Variants in FCMR observed in about 807,000 individuals in gnomAD.
FCMR encodes immunoglobulin mu Fc receptor.
In FCMR, 34 loss-of-function variants were observed where a neutral mutation model predicts 41.6. That is an observed-to-expected ratio of 0.82 (90% CI 0.62 to 1.09). FCMR has a LOEUF of 1.09. FCMR is among the 50% of genes least tolerant of loss of function. The probability of loss-of-function intolerance (pLI) is 0.00; values close to 1 mark genes in which losing one functional copy is unlikely to be tolerated. For synonymous variants in FCMR, 209 were observed against 211.8 expected, an observed-to-expected ratio of 0.99 and a Z score of 0.12; for missense variants, 496 against 512.5, an observed-to-expected ratio of 0.97 and a Z score of 0.31.
chr1:206,909,552 G>T lies in FCMR; in HGVS notation c.986-32C>A. 7.6e-7 allele frequency: 1 copy of T among 1,313,798 alleles called. No homozygotes were observed. Among genetic ancestry groups the T allele is most frequent in the Non-Finnish European group, 9.7e-7 (1 of 1,030,886 alleles). The allele number at this position is 1,313,798 out of a possible 1,614,324, so 81.4% of individuals were successfully genotyped here. A position where few individuals can be genotyped will look rare whatever the true frequency, so the allele number is the denominator to read the frequency against. On this transcript the variant is annotated intron_variant, in intron 6 of 7. Coordinates refer to ENST00000367091, the MANE Select transcript of FCMR (RefSeq NM_005449.5). The surrounding 1 kb of genome is among the most constrained non-coding windows in gnomAD (Gnocchi z 5.0). The stretch of plus-strand genomic sequence containing the variant: ...AACAGCGAGGGCGAGGTGAGGCGGC[G>T]GCCGAGGCTCCCGCCCCACCGTCAT...
chr1:206,908,890 A>C (rs1295409163), intron 7 of FCMR, among the ~76,000 whole-genome samples: 3 of 152,188 alleles, frequency 2.0e-5, no homozygotes, highest in African/African-American at 7.2e-5. Flanking sequence ...AGTGGCCCTG[A>C]GTGGAAACGC....
At position 206,904,941 on chromosome 1, in the gene FCMR, G is replaced by T. The variant is rs1678556700; in HGVS notation, c.*78C>A. ...AGGGCTCTGAGAACACATGAAGCAG[G>T]TATTGGACATCAGCAGATAGATGAG... On this transcript the variant is annotated 3_prime_UTR_variant, in exon 8 of 8. Transcript: ENST00000367091. 2.1e-6 allele frequency: 3 copies of T among 1,428,132 alleles called. No individual in the cohort carries two copies. The highest frequency in any genetic ancestry group is 2.0e-6 in the Non-Finnish European group (2 of 1,015,330). 88.5% of individuals were successfully genotyped at this position (1,428,132 alleles called of 1,614,324 possible). A position where few individuals can be genotyped will look rare whatever the true frequency, so the allele number is the denominator to read the frequency against.
At position 206,905,297 on chromosome 1, in the gene FCMR, G is replaced by A. The variant is rs912441090; in HGVS notation, c.1045-150C>T. Reference sequence around the variant, plus strand: ...AGAGATGGCTCAGCTCCATCAAGTGGAGTAGCCCTGGGGATTTTCAGGGTA... The same window carrying A: ...AGAGATGGCTCAGCTCCATCAAGTGAAGTAGCCCTGGGGATTTTCAGGGTA... On this transcript the variant is annotated intron_variant, in intron 7 of 7. Coordinates refer to ENST00000367091, the MANE Select transcript of FCMR (RefSeq NM_005449.5). The A allele has an allele frequency of 4.9e-6, 4 of 822,386 alleles. No individual in the cohort carries two copies. The East Asian group carries it at 8.0e-5, about 16-fold the overall frequency. The allele number at this position is 822,386 out of a possible 1,614,324, so 50.9% of individuals were successfully genotyped here. A position where few individuals can be genotyped will look rare whatever the true frequency, so the allele number is the denominator to read the frequency against.
At chr1:206,921,150 G>A (rs1206023316) in intron 1 of FCMR, among the ~76,000 whole-genome samples, 1 of 152,206 alleles carries the variant, frequency 6.6e-6, no homozygotes, top group Non-Finnish European at 1.5e-5. Flanking sequence ...ATGGATTACG[G>A]AATTTTCATT....
chr1:206,906,659 T>C (rs1678660716), intron 7 of FCMR, among the ~76,000 whole-genome samples: 1 of 152,104 alleles, frequency 6.6e-6, no homozygotes, highest in East Asian at 1.9e-4. Flanking sequence ...ATAGGCACCT[T>C]TTTGTAAATT....
At chr1:206,907,541 CT>C (rs1345568029) in intron 7 of FCMR, 5 of 511,982 alleles carry the variant, frequency 9.8e-6, no homozygotes, top group Non-Finnish European at 1.5e-5. Context: ...TGGGCCCTGT[CT>C]TTTGGAGTCT....
intron 2 of FCMR, 39 bp from the exon 3 acceptor site, chr1:206,913,081 G>A (rs1679015375): frequency 2.0e-6 from 3 of 1,471,128 alleles, no homozygotes; most frequent in Non-Finnish European, 9.5e-7. Flanking sequence ...GGTCTCTAGG[G>A]GGAGACTGAG....
At chr1:206,921,502 G>A (rs1679438625) in intron 1 of FCMR, 2 of 461,294 alleles carry the variant, frequency 4.3e-6, no homozygotes, top group Non-Finnish European at 8.2e-6. Context: ...TAGAGAGTCT[G>A]GGGTGGTAGG....
intron 1 of FCMR, among the ~76,000 whole-genome samples, chr1:206,914,500 T>C (rs1207490475): frequency 6.7e-6 from 1 of 150,356 alleles, no homozygotes; most frequent in Non-Finnish European, 1.5e-5. Flanking sequence ...GGTATGATCA[T>C]GACTCACTAC....
intron 1 of FCMR, among the ~76,000 whole-genome samples, chr1:206,917,096 G>C (rs530669566): frequency 2.0e-5 from 3 of 152,348 alleles, no homozygotes; most frequent in African/African-American, 7.2e-5. Flanking sequence ...GTGGCTTAAA[G>C]AATCACTCTC....
chr1:206,907,953 C>A, intron 7 of FCMR: 2 of 1,409,082 alleles, frequency 1.4e-6, no homozygotes, highest in Non-Finnish European at 2.0e-6. Context: ...TACTGCCCTA[C>A]GACAAGAAAA....
rs892091345 is a variant in FCMR, at chr1:206,911,767, G to A, written c.673C>T (p.Pro225Ser). 6.2e-7 allele frequency: 1 copy of A among 1,610,776 alleles called. No individual in the cohort carries two copies. Among genetic ancestry groups the A allele is most frequent in the East Asian group, 2.2e-5 (1 of 44,816 alleles). ...AGCCTGGTGTGGTGGTTGTAGCTGGGCGTCTGGGGCTTGAGCAGCCCCTCC... is the reference window on the plus strand; with the variant it reads ...AGCCTGGTGTGGTGGTTGTAGCTGGACGTCTGGGGCTTGAGCAGCCCCTCC... ...ALEGLLKPQT[P>S]SYNHHTRLHR... Residue 225 changes from proline to serine, a missense_variant, in exon 4 of 8, where the codon CCC becomes TCC. Transcript: ENST00000367091.
In FCMR at chr1:206,905,114, G is replaced by A; in HGVS notation, c.1078C>T (p.Leu360=). ...CTCACGTATTCACAGCTGGTCTTCA[G>A]AGATGGGGCATGGAGCCAGGGAGAT... ...SESPWLHAPS[L]KTSCEYVSLY... Residue 360 remains leucine (L), a synonymous_variant, in exon 8 of 8, where the codon CTG becomes TTG. Coordinates refer to ENST00000367091, the MANE Select transcript of FCMR (RefSeq NM_005449.5). The A allele has an allele frequency of 1.2e-6, 2 of 1,614,192 alleles. No individual in the cohort carries two copies. Among genetic ancestry groups the A allele is most frequent in the Middle Eastern group, 1.6e-4 (1 of 6,062 alleles).
rs1371386849 is a variant in FCMR at position 206,910,302 on chromosome 1, T to C, written c.749A>G (p.Gln250Arg). The change falls in exon 5 of 8, where the codon CAA becomes CGA. Residue 250 changes from glutamine (Q) to arginine (R), a missense_variant. Coordinates refer to ENST00000367091, the MANE Select transcript of FCMR (RefSeq NM_005449.5). The part of the protein sequence containing the change: ...DYGSQSGREG[Q>R]GFHILIPTIL... ...GGTCGGGATCAGGATGTGAAATCCT[T>C]GGCCTTCCCTCCCAGACTGTGAGCC... is the stretch of plus-strand genomic sequence containing the variant. 3 of 1,573,748 alleles carry C rather than the reference T, an allele frequency of 1.9e-6. No individual in the cohort carries two copies. The African/African-American group carries it at 4.1e-5, about 21-fold the overall frequency.
intron 7 of FCMR, among the ~76,000 whole-genome samples, chr1:206,907,105 G>T (rs1572616303): frequency 5.0e-5 from 1 of 20,122 alleles, no homozygotes; most frequent in South Asian, 1.1e-3. Context: ...TGGGGGGGTG[G>T]GGGGGGGGTG....
intron 4 of FCMR, among the ~76,000 whole-genome samples, chr1:206,911,237 G>GT (rs1678927021): frequency 3.4e-5 from 4 of 117,672 alleles, no homozygotes; most frequent in African/African-American, 1.3e-4. Context: ...ATTATTATAG[G>GT]GTTTTTTTTT....
intron 1 of FCMR, among the ~76,000 whole-genome samples, chr1:206,914,466 C>T (rs1394772234): frequency 3.0e-5 from 4 of 132,516 alleles, no homozygotes; most frequent in African/African-American, 1.1e-4. Flanking sequence ...GGATCTCACT[C>T]TGTTACGCAG....
intron 7 of FCMR, among the ~76,000 whole-genome samples, chr1:206,908,440 A>G (rs1252345901): frequency 6.6e-6 from 1 of 152,220 alleles, no homozygotes; most frequent in Admixed American, 6.5e-5. Flanking sequence ...TAATTTATCT[A>G]TGACCAATAG....
At chr1:206,907,528 G>A (rs965572352) in intron 7 of FCMR, 11 of 479,392 alleles carry the variant, frequency 2.3e-5, no homozygotes, top group African/African-American at 1.8e-4. Flanking sequence ...GGCTTCCACC[G>A]TGTGGGCCCT....
Sources: allele counts gnomAD v4.1 joint callset (sites outside exome capture counted in the v4.1 genomes callset), GRCh38; gene constraint gnomAD v4.1.1; non-coding constraint Gnocchi (gnomAD v3.1); transcripts MANE v1.5; gene names NCBI Gene and HGNC (gene_info 2026-07-23, HGNC 2026-07-21).